The following NECTIN1 variants were observed in gnomAD, a reference collection of about 807,000 sequenced individuals.
NECTIN1 encodes the protein nectin-1.
A neutral mutation model predicts 48.0 loss-of-function variants in NECTIN1; 23 were observed. The observed-to-expected ratio is 0.48, with a 90% CI of 0.34 to 0.68. The LOEUF is 0.68. Among genes scored for constraint, NECTIN1 ranks in the 30% least tolerant of loss-of-function variants. The pLI is 0.01. For missense variants in NECTIN1, 591 were observed against 709.9 expected (o/e 0.83, Z 1.90); for synonymous variants, 270 against 288.9 (o/e 0.93, Z 0.66).
At position 119,683,932 on chromosome 11, in the gene NECTIN1, C is replaced by G. The variant is rs76816755; in HGVS notation, c.80-5167G>C. On this transcript the variant is annotated intron_variant, in intron 1 of 5. Transcript: ENST00000264025. This position sits in a 1 kb window ranked among gnomAD's most constrained non-coding sequence, Gnocchi z 4.0. The stretch of plus-strand genomic sequence containing the variant: ...TGAGCCAGCATGACGGGCCTCAGGC[C>G]GGCCCCCTGAGACGTCACAGACCTG... Among the ~76,000 whole-genome samples, 1 of 152,052 alleles carries G rather than the reference C, an allele frequency of 6.6e-6. No individual in the cohort carries two copies. Among genetic ancestry groups the G allele is most frequent in the Non-Finnish European group, 1.5e-5 (1 of 68,016 alleles).
chr11:119,651,455 C>T (rs1864488668), intron 5 of NECTIN1, among the ~76,000 whole-genome samples: 1 of 152,120 alleles, frequency 6.6e-6, no homozygotes, highest in South Asian at 2.1e-4. Flanking sequence ...CTCGCCACCC[C>T]ATACTCCTTA....
At chr11:119,691,372 T>C (rs1865248728) in intron 1 of NECTIN1, among the ~76,000 whole-genome samples, 1 of 152,222 alleles carries the variant, frequency 6.6e-6, no homozygotes, top group Non-Finnish European at 1.5e-5. Context: ...CACAGTTTTC[T>C]TTCCACCTGA....
At chr11:119,653,541 C>T (rs952948475) in intron 5 of NECTIN1, among the ~76,000 whole-genome samples, 4 of 152,096 alleles carry the variant, frequency 2.6e-5, no homozygotes, top group Admixed American at 6.5e-5. Context: ...TGCGAGACGA[C>T]GTCAATCAGA....
intron 1 of NECTIN1, among the ~76,000 whole-genome samples, chr11:119,706,614 G>A (rs7104562): frequency 0.91 from 138,545 of 152,274 alleles, 63,644 homozygotes; most frequent in South Asian, 0.98. Flanking sequence ...TCAAATAAAC[G>A]GCATGATATT....
At chr11:119,721,231 C>T (rs146690156) in intron 1 of NECTIN1, among the ~76,000 whole-genome samples, 156 of 152,322 alleles carry the variant, frequency 1.0e-3, no homozygotes, top group African/African-American at 3.6e-3. Context: ...CCAGAACAGC[C>T]CTGGAGGGAG....
At chr11:119,724,184 T>C (rs1457199312) in intron 1 of NECTIN1, among the ~76,000 whole-genome samples, 5 of 152,152 alleles carry the variant, frequency 3.3e-5, no homozygotes, top group African/African-American at 9.7e-5. Flanking sequence ...ATGATTCTTT[T>C]TCTTAAATAC....
rs767921653 is a variant in NECTIN1 at position 119,663,374 on chromosome 11, A to G, written c.*1373T>C. 173 of 985,324 alleles carry G rather than the reference A, an allele frequency of 1.8e-4. No individual in the cohort carries two copies. The highest frequency in any genetic ancestry group is 2.0e-4 in the Non-Finnish European group (169 of 829,930). The allele number at this position is 985,324 out of a possible 1,614,324, so 61.0% of individuals were successfully genotyped here. On this transcript the variant is annotated 3_prime_UTR_variant, in exon 6 of 6. Transcript: ENST00000264025. ...GTCTGGGGTGGCTGATAGGAACTCA[A>G]TGTCCCATTCAAGAAGGGAATCTGC...
chr11:119,679,372 T>C (rs534448454), intron 1 of NECTIN1, among the ~76,000 whole-genome samples: 49 of 152,308 alleles, frequency 3.2e-4, no homozygotes, highest in Middle Eastern at 6.8e-3. Flanking sequence ...GCTGTCATCA[T>C]GGCCACCCCT....
At chr11:119,726,808 G>A (rs936563129) in intron 1 of NECTIN1, among the ~76,000 whole-genome samples, 21 of 152,160 alleles carry the variant, frequency 1.4e-4, no homozygotes, top group African/African-American at 4.8e-4. Flanking sequence ...GGAAGCTCTC[G>A]TTTCTCTGGG....
At chr11:119,642,378 C>A (rs1043414511) in intron 5 of NECTIN1, 1 of 152,326 alleles carries the variant, frequency 6.6e-6, no homozygotes, top group African/African-American at 2.4e-5. Flanking sequence ...GGGAAATGAA[C>A]ACATACCCTG....
At chr11:119,699,354 TG>T (rs1865398310) in intron 1 of NECTIN1, among the ~76,000 whole-genome samples, 1 of 75,186 alleles carries the variant, frequency 1.3e-5, no homozygotes. Flanking sequence ...AAGGGAACTC[TG>T]GGACTCTTTC....
At chr11:119,669,346 G>A (rs1178306291) in intron 5 of NECTIN1, among the ~76,000 whole-genome samples, 1 of 151,008 alleles carries the variant, frequency 6.6e-6, no homozygotes, top group African/African-American at 2.4e-5. Flanking sequence ...GGGAGGTGGA[G>A]GTTGCAGTGA....
At chr11:119,679,414 C>T (rs1349310883) in intron 1 of NECTIN1, among the ~76,000 whole-genome samples, 1 of 152,188 alleles carries the variant, frequency 6.6e-6, no homozygotes, top group Non-Finnish European at 1.5e-5. Flanking sequence ...GAGTCCCCAT[C>T]CCCTGGGGTG....
intron 1 of NECTIN1, among the ~76,000 whole-genome samples, chr11:119,697,940 C>T (rs1426897867): frequency 3.3e-5 from 5 of 152,232 alleles, no homozygotes; most frequent in Non-Finnish European, 7.3e-5. Context: ...CCCTCGGTGT[C>T]CTGCCCAGCC....
intron 1 of NECTIN1, among the ~76,000 whole-genome samples, chr11:119,707,602 C>T (rs922743397): frequency 6.6e-6 from 1 of 152,198 alleles, no homozygotes; most frequent in African/African-American, 2.4e-5. Context: ...CCCTGCTATG[C>T]CAAGTTGCAG....
intron 1 of NECTIN1, among the ~76,000 whole-genome samples, chr11:119,679,744 G>A (rs899026370): frequency 3.9e-5 from 6 of 151,948 alleles, no homozygotes; most frequent in Non-Finnish European, 7.4e-5. Context: ...ATTGAGTCCC[G>A]GCCTCCATGG....
intron 4 of NECTIN1, chr11:119,675,633 G>A (rs1443339290): frequency 3.1e-6 from 1 of 318,134 alleles, no homozygotes; most frequent in Non-Finnish European, 6.0e-6. Flanking sequence ...CAATTCTCGG[G>A]ACTCCTGGTA....
intron 5 of NECTIN1, among the ~76,000 whole-genome samples, chr11:119,652,234 G>A (rs1352328690): frequency 6.6e-6 from 1 of 152,152 alleles, no homozygotes; most frequent in Non-Finnish European, 1.5e-5. Context: ...AACCCCACCC[G>A]GTGTGGTCAC....
Position 119,673,883 on chromosome 11 carries a change from C to T in NECTIN1, c.1003+1276G>A, listed in dbSNP as rs1017345817. On this transcript the variant is annotated intron_variant, in intron 5 of 5. Transcript: ENST00000264025. This position sits in a 1 kb window ranked among gnomAD's most constrained non-coding sequence, Gnocchi z 5.8. Reference sequence around the variant, plus strand: ...AAACCCCCCAGCTTTCCCCAGGCTCCAACCCTGATGCTCCTCCTCCTATGA... The same window carrying T: ...AAACCCCCCAGCTTTCCCCAGGCTCTAACCCTGATGCTCCTCCTCCTATGA... 6.6e-6 allele frequency among the ~76,000 whole-genome samples: 1 copy of T among 152,202 alleles called. No individual in the cohort carries two copies. The highest frequency in any genetic ancestry group is 6.5e-5 in the Admixed American group (1 of 15,284).
Sources: gnomAD v4.1 joint callset for allele counts (sites outside exome capture counted in the v4.1 genomes callset) on GRCh38, gnomAD v4.1.1 for gene constraint, Gnocchi (gnomAD v3.1) non-coding constraint, MANE v1.5 for transcripts, NCBI Gene and HGNC (gene_info 2026-07-23, HGNC 2026-07-21) for gene names.